Variants in CBX1 observed in about 807,000 individuals in gnomAD.
CBX1 encodes the protein chromobox protein homolog 1.
In CBX1, 10 loss-of-function variants were observed where a neutral mutation model predicts 25.1. The ratio of observed to expected loss-of-function variants is 0.40; its 90% CI spans 0.25 to 0.68. The LOEUF is 0.68. Among genes scored for constraint, CBX1 ranks in the 30% least tolerant of loss-of-function variants. The pLI is 0.40. For missense variants in CBX1, 106 were observed against 218.5 expected, an observed-to-expected ratio of 0.49 and a Z score of 3.25; for synonymous variants, 63 against 79.4, an observed-to-expected ratio of 0.79 and a Z score of 1.10.
At chr17:48,087,881 A>G (rs1246772254) in intron 1 of CBX1, among the ~76,000 whole-genome samples, 2 of 151,780 alleles carry the variant, frequency 1.3e-5, no homozygotes, top group Non-Finnish European at 2.9e-5. Context: ...TCAAAAAAAA[A>G]AAAAAAAAAG....
rs1598305542 is a variant in CBX1 at position 48,078,435 on chromosome 17, G to A, written c.-37-1394C>T. On this transcript the variant is annotated intron_variant, in intron 1 of 4. Coordinates refer to ENST00000225603, the MANE Select transcript of CBX1 (RefSeq NM_001127228.2). ...TCTCGATCTCCTGACCTCATGATCC[G>A]CCTGCCTCGGCCTCCCAAAGTGCTG... Among the ~76,000 whole-genome samples, 4 of 151,848 alleles carry A rather than the reference G, an allele frequency of 2.6e-5. No individual in the cohort carries two copies. In the South Asian group the frequency reaches 6.2e-4, roughly 24 times the overall value.
chr17:48,084,283 AT>A (rs11310687), intron 1 of CBX1, among the ~76,000 whole-genome samples: 138,522 of 138,526 alleles, frequency 1, 69,259 homozygotes, highest in Middle Eastern at 1. Flanking sequence ...GCTAATCATC[AT>A]GCTCACTGAA....
intron 4 of CBX1, among the ~76,000 whole-genome samples, chr17:48,072,147 G>A (rs1455761107): frequency 1.3e-5 from 2 of 151,798 alleles, no homozygotes; most frequent in Admixed American, 6.6e-5. Flanking sequence ...ATAGGTGTGC[G>A]CCACCACACC....
At chr17:48,090,511 C>A (rs1375451648) in intron 1 of CBX1, among the ~76,000 whole-genome samples, 1 of 152,056 alleles carries the variant, frequency 6.6e-6, no homozygotes, top group Admixed American at 6.6e-5. Context: ...ATACTTTTTT[C>A]CAGCCCCACT....
At chr17:48,098,925 T>C (rs1332234772) in intron 1 of CBX1, among the ~76,000 whole-genome samples, 1 of 152,196 alleles carries the variant, frequency 6.6e-6, no homozygotes, top group Non-Finnish European at 1.5e-5. Context: ...AGAGAAACAT[T>C]TTCCTAGTCC....
At chr17:48,081,393 C>G (rs1187012926) in intron 1 of CBX1, among the ~76,000 whole-genome samples, 1 of 152,090 alleles carries the variant, frequency 6.6e-6, no homozygotes, top group Non-Finnish European at 1.5e-5. Context: ...AGAAAGCGCC[C>G]AAATGGGGAA....
chr17:48,089,977 G>A (rs1263907448), intron 1 of CBX1, among the ~76,000 whole-genome samples: 5 of 151,420 alleles, frequency 3.3e-5, no homozygotes, highest in African/African-American at 4.9e-5. Flanking sequence ...CTGGAGTGCA[G>A]TGGCATGATC....
chr17:48,096,043 G>C (rs2063373491), intron 1 of CBX1, among the ~76,000 whole-genome samples: 1 of 152,174 alleles, frequency 6.6e-6, no homozygotes, highest in Non-Finnish European at 1.5e-5. Context: ...ACCACGCCCA[G>C]CTAATTGTGT....
At chr17:48,072,255 C>T (rs1478675284) in intron 4 of CBX1, among the ~76,000 whole-genome samples, 1 of 152,132 alleles carries the variant, frequency 6.6e-6, no homozygotes, top group Non-Finnish European at 1.5e-5. Context: ...AGGTGATCCA[C>T]CTGCCTCAGC....
At chr17:48,099,104 A>G (rs981998706) in intron 1 of CBX1, among the ~76,000 whole-genome samples, 2 of 151,954 alleles carry the variant, frequency 1.3e-5, no homozygotes, top group Non-Finnish European at 2.9e-5. Context: ...CCTATCATCT[A>G]TCTTTTCTTT....
chr17:48,089,911 C>T lies in CBX1; in HGVS notation c.-38+11357G>A, dbSNP rs193250187. Among the ~76,000 whole-genome samples the T allele has an allele frequency of 1.5e-4, 23 of 151,334 alleles. 1 individual carries two copies. The East Asian group carries it at 3.7e-3, about 24-fold the overall frequency. The stretch of plus-strand genomic sequence containing the variant: ...TCTGGATACAAACAGAAAATTTTAA[C>T]GAAATTTATTTGTGACTTTTTTTTT... On this transcript the variant is annotated intron_variant, in intron 1 of 4. Coordinates refer to ENST00000225603, the MANE Select transcript of CBX1 (RefSeq NM_001127228.2).
intron 4 of CBX1, 54 bp from the exon 5 acceptor site, chr17:48,071,633 A>G (rs1055819259): frequency 6.7e-6 from 10 of 1,495,176 alleles, no homozygotes; most frequent in Admixed American, 2.2e-5. Context: ...GGTCTATCCT[A>G]AGTTGGATAA....
chr17:48,076,002 T>A lies in CBX1; in HGVS notation c.317A>T (p.Glu106Val). The stretch of plus-strand genomic sequence containing the variant: ...AAAAATTCTTACTTCTATTCTTACC[T>A]CTTCTTTCTTCTTCTTTGGTTTGCT... ...EESKPKKKKE[E>V]SEKPRGFARG... Residue 106 changes from glutamate (E) to valine (V), a missense_variant and splice_region_variant, in exon 3 of 5, where the codon GAG becomes GTG. This residue lies in a region of CBX1 where 71 missense variants were observed against 144.1 expected (regional missense o/e 0.49). Transcript: ENST00000225603. 2 of 1,593,078 alleles carry A rather than the reference T, an allele frequency of 1.3e-6. No individual in the cohort carries two copies. The highest frequency in any genetic ancestry group is 2.2e-5 in the South Asian group (2 of 88,938).
chr17:48,078,701 G>A (rs2144436468), intron 1 of CBX1, among the ~76,000 whole-genome samples: 1 of 151,408 alleles, frequency 6.6e-6, no homozygotes, highest in East Asian at 1.9e-4. Flanking sequence ...CGTTGGCCAG[G>A]CTGGTCTTCA....
chr17:48,101,305 C>T lies in CBX1; in HGVS notation c.-75G>A, dbSNP rs2063408839. Reference sequence around the variant, plus strand: ...CCCAAGAGCCCGAGAGGAATCGGTGCTGCGCTGCTGGCGCGTCGCGTCGGG... The same window carrying T: ...CCCAAGAGCCCGAGAGGAATCGGTGTTGCGCTGCTGGCGCGTCGCGTCGGG... On this transcript the variant is annotated 5_prime_UTR_variant, in exon 1 of 5. Transcript: ENST00000225603. The T allele has an allele frequency of 1.0e-6, 1 of 986,368 alleles. No individual in the cohort carries two copies. The highest frequency in any genetic ancestry group is 1.2e-6 in the Non-Finnish European group (1 of 830,102). The allele number at this position is 986,368 out of a possible 1,614,324, so 61.1% of individuals were successfully genotyped here.
intron 1 of CBX1, among the ~76,000 whole-genome samples, chr17:48,077,742 A>G (rs1478688945): frequency 6.6e-6 from 1 of 152,102 alleles, no homozygotes; most frequent in African/African-American, 2.4e-5. Context: ...AGCATTTTGG[A>G]AGGCCCAAGT....
intron 1 of CBX1, among the ~76,000 whole-genome samples, chr17:48,087,312 C>T (rs775305314): frequency 3.9e-5 from 6 of 152,054 alleles, no homozygotes; most frequent in African/African-American, 7.2e-5. Flanking sequence ...TGTGATAGCT[C>T]ACGCCTGTAA....
intron 2 of CBX1, 43 bp from the exon 3 acceptor site, chr17:48,076,221 AGTATACTCATACTAAGGATAATC>A: frequency 7.0e-7 from 1 of 1,421,214 alleles, no homozygotes; most frequent in South Asian, 1.6e-5. Flanking sequence ...CACTCAAATA[AGTATACTCATACTAAGGATAATC>A]GTAAGAGGAC....
chr17:48,077,891 C>G (rs2037693203), intron 1 of CBX1, among the ~76,000 whole-genome samples: 1 of 152,026 alleles, frequency 6.6e-6, no homozygotes. Flanking sequence ...CAGTGGCTCA[C>G]ACCTATAATT....
Sources: allele counts gnomAD v4.1 joint callset (sites outside exome capture counted in the v4.1 genomes callset), GRCh38; gene constraint gnomAD v4.1.1; regional missense constraint gnomAD v4.1.1; transcripts MANE v1.5; gene names NCBI Gene and HGNC (gene_info 2026-07-23, HGNC 2026-07-21).